The following DNAJB12 variants were observed in gnomAD, a reference collection of about 807,000 sequenced individuals.
DNAJB12 encodes dnaJ homolog subfamily B member 12.
In DNAJB12, 14 loss-of-function variants were observed where a neutral mutation model predicts 40.6. That is an observed-to-expected ratio of 0.34 (90% CI 0.23 to 0.54). DNAJB12 has a LOEUF of 0.54. DNAJB12 is among the 20% of genes least tolerant of loss of function. The pLI is 0.92. For synonymous variants in DNAJB12, 181 were observed against 199.5 expected, an observed-to-expected ratio of 0.91 and a Z score of 0.78; for missense variants, 444 against 501.7, an observed-to-expected ratio of 0.89 and a Z score of 1.10.
chr10:72,335,823 G>A lies in DNAJB12; in HGVS notation c.1115C>T (p.Ser372Phe). The change falls in exon 8 of 9, where the codon TCC becomes TTC. Residue 372 changes from serine to phenylalanine, a missense_variant. Transcript: ENST00000444643. This position sits in a 1 kb window ranked among gnomAD's most constrained non-coding sequence, Gnocchi z 4.4. The part of the protein sequence containing the change: ...SCSRLSEVQA[S>F]LHG ...GCTGGCCCAGGACTATCCATGCAGGGAGGCCTGCACCTCTGACAGTCGGCT... is the reference window on the plus strand; with the variant it reads ...GCTGGCCCAGGACTATCCATGCAGGAAGGCCTGCACCTCTGACAGTCGGCT... The A allele has an allele frequency of 2.5e-6, 4 of 1,614,154 alleles. No homozygotes were observed. The highest frequency in any genetic ancestry group is 3.4e-6 in the Non-Finnish European group (4 of 1,180,012).
rs75579903 is a variant in DNAJB12, at chr10:72,351,877, G to A, written c.133+2888C>T. 7.4e-3 allele frequency among the ~76,000 whole-genome samples: 1,125 copies of A among 152,256 alleles called. 16 individuals are homozygous for A. Among genetic ancestry groups the A allele is most frequent in the African/African-American group, 0.026 (1,065 of 41,528 alleles). On this transcript the variant is annotated intron_variant, in intron 1 of 8. Coordinates refer to ENST00000444643, the MANE Select transcript of DNAJB12 (RefSeq NM_017626.7). The stretch of plus-strand genomic sequence containing the variant: ...CTATCCCACTGGCACCTCCCACTCT[G>A]CTCATCTCTTCCCATCTCAGTTCTT...
In DNAJB12 at chr10:72,334,029, T is replaced by C. The variant is rs1048382533; in HGVS notation, c.*619A>G. The C allele has an allele frequency of 6.5e-6, 1 of 153,738 alleles. No individual in the cohort carries two copies. Among genetic ancestry groups the C allele is most frequent in the African/African-American group, 2.4e-5 (1 of 41,426 alleles). The allele number at this position is 153,738 out of a possible 1,614,324, so 9.5% of individuals were successfully genotyped here. A position where few individuals can be genotyped will look rare whatever the true frequency, so the allele number is the denominator to read the frequency against. On this transcript the variant is annotated 3_prime_UTR_variant, in exon 9 of 9. Transcript: ENST00000444643. ...CTAGCAAAAACATCACCAGGGTACC[T>C]TCCCCAAACAGGCCTCATTTTCTAA...
At chr10:72,350,398 CAAAAAAAAAAAAAAAAAA>C (rs35316232) in intron 1 of DNAJB12, among the ~76,000 whole-genome samples, 4 of 27,802 alleles carry the variant, frequency 1.4e-4, no homozygotes, top group African/African-American at 3.9e-4. Context: ...GACCCTGTCT[CAAAAAAAAAAAAAAAAAA>C]AAAAAAAAAA....
At position 72,340,751 on chromosome 10, in the gene DNAJB12, G is replaced by A. The variant is rs750770904; in HGVS notation, c.723+38C>T. The A allele has an allele frequency of 3.1e-6, 5 of 1,602,028 alleles. No homozygotes were observed. In the East Asian group the frequency reaches 9.0e-5, roughly 29 times the overall value. On this transcript the variant is annotated intron_variant, in intron 5 of 8. Transcript: ENST00000444643. The stretch of plus-strand genomic sequence containing the variant: ...GCCCCCTCCCTGGGGTGGATTTGGT[G>A]CCCTTCCCGCGCTGTCCCTGGCGCC...
In DNAJB12 at chr10:72,334,335, G is replaced by GC. The variant is rs1233392122; in HGVS notation, c.*312dup. ...CCAGCCCTTCCCACTGATATCTGCT[G>GC]CGAGTTTTACATTCTACTTTCGTTG... On this transcript the variant is annotated 3_prime_UTR_variant, in exon 9 of 9. Coordinates refer to ENST00000444643, the MANE Select transcript of DNAJB12 (RefSeq NM_017626.7). 1.9e-5 allele frequency: 10 copies of GC among 518,152 alleles called. No homozygotes were observed. The highest frequency in any genetic ancestry group is 1.8e-4 in the African/African-American group (9 of 49,366). 32.1% of individuals were successfully genotyped at this position (518,152 alleles called of 1,614,324 possible).
In DNAJB12 at chr10:72,333,462, G is replaced by T. The variant is rs555645838; in HGVS notation, c.*1186C>A. 4.6e-5 allele frequency: 7 copies of T among 152,682 alleles called. No individual in the cohort carries two copies. Among genetic ancestry groups the T allele is most frequent in the Admixed American group, 4.6e-4 (7 of 15,302 alleles). 9.5% of individuals were successfully genotyped at this position (152,682 alleles called of 1,614,324 possible). A position where few individuals can be genotyped will look rare whatever the true frequency, so the allele number is the denominator to read the frequency against. ...GAGGCCTGGCGGTCACATCAACAGC[G>T]AGTGAAGACAGAGGCAGCCACGGGC... On this transcript the variant is annotated 3_prime_UTR_variant, in exon 9 of 9. Coordinates refer to ENST00000444643, the MANE Select transcript of DNAJB12 (RefSeq NM_017626.7).
chr10:72,335,909 T>C lies in DNAJB12; in HGVS notation c.1029A>G (p.Ala343=). 6.2e-7 allele frequency: 1 copy of C among 1,614,152 alleles called. No homozygotes were observed. Among genetic ancestry groups the C allele is most frequent in the Non-Finnish European group, 8.5e-7 (1 of 1,179,990 alleles). Residue 343 remains alanine (A), a synonymous_variant, in exon 8 of 9, where the codon GCA becomes GCG. Transcript: ENST00000444643. The surrounding 1 kb of genome is among the most constrained non-coding windows in gnomAD (Gnocchi z 4.4). ...KQQKEGLLYR[A]RYFGDTDMYH... ...ACATATCTGTGTCGCCAAAGTAGCGTGCCCGGTACAGCAAGCCTTCCTCTG... is the reference window on the plus strand; with the variant it reads ...ACATATCTGTGTCGCCAAAGTAGCGCGCCCGGTACAGCAAGCCTTCCTCTG...
intron 1 of DNAJB12, among the ~76,000 whole-genome samples, chr10:72,351,617 C>T (rs558912490): frequency 1.3e-5 from 2 of 152,254 alleles, no homozygotes; most frequent in African/African-American, 4.8e-5. Context: ...TCTCCGGGGA[C>T]TGCCTTTTCC....
Position 72,341,153 on chromosome 10 carries a change from CA to C in DNAJB12, c.474del (p.Tyr158Ter). 6.2e-7 allele frequency: 1 copy of C among 1,609,784 alleles called. No individual in the cohort carries two copies. Among genetic ancestry groups the C allele is most frequent in the Non-Finnish European group, 8.5e-7 (1 of 1,176,478 alleles). ...CTCTTCTCCGGGTTGCTGAGTACCG[CA>C]TATGCTGTGCCAATGGCTGGAGAGG... is the stretch of plus-strand genomic sequence containing the variant. ...TEAFKAIGTA[Y>X]AVLSNPEKRK... On this transcript the variant is annotated frameshift_variant, in exon 4 of 9. Transcript: ENST00000444643. LOFTEE classifies it high-confidence loss of function.
rs762266590 is a variant in DNAJB12 at position 72,336,555 on chromosome 10, G to C, written c.975C>G (p.Leu325=). The C allele has an allele frequency of 6.2e-7, 1 of 1,614,100 alleles. No individual in the cohort carries two copies. Among genetic ancestry groups the C allele is most frequent in the South Asian group, 1.1e-5 (1 of 91,074 alleles). Residue 325 remains leucine, a synonymous_variant, in exon 7 of 9, where the codon CTC becomes CTG. Coordinates refer to ENST00000444643, the MANE Select transcript of DNAJB12 (RefSeq NM_017626.7). Reference sequence around the variant, plus strand: ...GCTTCTCCTTCCAGCAGTTGTTCCGGAGGTTGGCGATATAATCATCTTCCA... The same window carrying C: ...GCTTCTCCTTCCAGCAGTTGTTCCGCAGGTTGGCGATATAATCATCTTCCA... ...RNVEDDYIAN[L]RNNCWKEKQQ...
At chr10:72,349,460 A>G (rs1861880527) in intron 1 of DNAJB12, among the ~76,000 whole-genome samples, 1 of 152,236 alleles carries the variant, frequency 6.6e-6, no homozygotes, top group Non-Finnish European at 1.5e-5. Flanking sequence ...GGTCCATGCC[A>G]GCTACCAAGG....
At chr10:72,353,479 A>G (rs1230159302) in intron 1 of DNAJB12, 2 of 152,232 alleles carry the variant, frequency 1.3e-5, no homozygotes, top group African/African-American at 4.8e-5. Flanking sequence ...CGCTTTCTCA[A>G]TCTCATCAGG....
chr10:72,345,730 C>A lies in DNAJB12; in HGVS notation c.134-603G>T, dbSNP rs375252878. On this transcript the variant is annotated intron_variant, in intron 1 of 8. Transcript: ENST00000444643. Reference sequence around the variant, plus strand: ...TCTACTAAAAATACAAAAAAAAAAACCCCAAAAGACATTTAGCTGGAGATA... The same window carrying A: ...TCTACTAAAAATACAAAAAAAAAAAACCCAAAAGACATTTAGCTGGAGATA... 2.0e-3 allele frequency among the ~76,000 whole-genome samples: 297 copies of A among 148,550 alleles called. 1 individual carries two copies. Among genetic ancestry groups the A allele is most frequent in the Non-Finnish European group, 2.8e-3 (187 of 67,176 alleles).
At chr10:72,340,555 C>G (rs1301347510) in intron 5 of DNAJB12, among the ~76,000 whole-genome samples, 2 of 152,230 alleles carry the variant, frequency 1.3e-5, no homozygotes, top group African/African-American at 2.4e-5. Context: ...CCCAGCCAGG[C>G]CAGCAAAGCC....
In DNAJB12 at chr10:72,343,470, C is replaced by G; in HGVS notation, c.353G>C (p.Ser118Thr). The G allele has an allele frequency of 6.2e-7, 1 of 1,614,212 alleles. No individual in the cohort carries two copies. The highest frequency in any genetic ancestry group is 8.5e-7 in the Non-Finnish European group (1 of 1,180,034). ...CAGGTCCTCATCCGAGGCCCCTCTG[C>G]TCACCCCCAGGATCTCATAGTAATC... ...CKDYYEILGV[S>T]RGASDEDLKK... Residue 118 changes from serine (S) to threonine (T), a missense_variant, in exon 3 of 9, where the codon AGC becomes ACC. Coordinates refer to ENST00000444643, the MANE Select transcript of DNAJB12 (RefSeq NM_017626.7).
chr10:72,344,689 G>A (rs893257444), intron 2 of DNAJB12, among the ~76,000 whole-genome samples: 18 of 152,262 alleles, frequency 1.2e-4, no homozygotes, highest in African/African-American at 2.4e-4. Flanking sequence ...AGAGGAAGCC[G>A]GCAGTGTCAG....
chr10:72,341,157 T>C lies in DNAJB12; in HGVS notation c.471A>G (p.Ala157=), dbSNP rs746023978. The change falls in exon 4 of 9, where the codon GCA becomes GCG. Residue 157 remains alanine, a synonymous_variant. Transcript: ENST00000444643. ...ATEAFKAIGT[A]YAVLSNPEKR... ...TCTCCGGGTTGCTGAGTACCGCATA[T>C]GCTGTGCCAATGGCTGGAGAGGAGG... 6.2e-7 allele frequency: 1 copy of C among 1,607,782 alleles called. No individual in the cohort carries two copies. The highest frequency in any genetic ancestry group is 1.1e-5 in the South Asian group (1 of 90,980).
chr10:72,336,489 C>T, intron 7 of DNAJB12, 35 bp downstream of exon 7: 1 of 1,602,114 alleles, frequency 6.2e-7, no homozygotes, highest in Non-Finnish European at 8.5e-7. Context: ...CAAGCCACCT[C>T]CCAAATACAG....
chr10:72,337,138 A>G (rs1448843901), intron 6 of DNAJB12, among the ~76,000 whole-genome samples: 1 of 152,232 alleles, frequency 6.6e-6, no homozygotes, highest in African/African-American at 2.4e-5. Flanking sequence ...AGGGAGCCTT[A>G]TCCTCCCAGC....
Sources: gnomAD v4.1 joint callset for allele counts (sites outside exome capture counted in the v4.1 genomes callset) on GRCh38, gnomAD v4.1.1 for gene constraint, Gnocchi (gnomAD v3.1) non-coding constraint, MANE v1.5 for transcripts, NCBI Gene and HGNC (gene_info 2026-07-23, HGNC 2026-07-21) for gene names.